Variants in EYA4 observed in about 807,000 individuals in gnomAD.
The protein encoded by EYA4 is EYA transcriptional coactivator and phosphatase 4, also known as protein phosphatase EYA4.
A neutral mutation model predicts 87.9 loss-of-function variants in EYA4; 31 were observed. That is an observed-to-expected ratio of 0.35 (90% confidence interval 0.27 to 0.48). The LOEUF is 0.48. Among genes scored for constraint, EYA4 ranks in the 20% least tolerant of loss-of-function variants. The pLI is 0.99. For missense variants in EYA4, 678 were observed against 761.4 expected, an observed-to-expected ratio of 0.89 and a Z score of 1.29; for synonymous variants, 263 against 270.6, an observed-to-expected ratio of 0.97 and a Z score of 0.28.
chr6:133,429,290 G>T (rs184333519), intron 3 of EYA4, among the ~76,000 whole-genome samples: 300 of 152,092 alleles, frequency 2.0e-3, no homozygotes, highest in Non-Finnish European at 3.6e-3. Flanking sequence ...TAAAAATTAA[G>T]ATTCTGTTAG....
intron 3 of EYA4, among the ~76,000 whole-genome samples, chr6:133,433,091 T>C (rs998201288): frequency 6.6e-6 from 1 of 152,240 alleles, no homozygotes; most frequent in African/African-American, 2.4e-5. Flanking sequence ...AAAAAAATCA[T>C]TCTCTTCAAT....
chr6:133,358,875 G>A (rs1341823261), intron 2 of EYA4, among the ~76,000 whole-genome samples: 1 of 152,034 alleles, frequency 6.6e-6, no homozygotes, highest in East Asian at 1.9e-4. Context: ...AAACAGAGGG[G>A]AAAAACTACT....
chr6:133,304,390 T>C (rs1486258767), intron 2 of EYA4, among the ~76,000 whole-genome samples: 4 of 152,142 alleles, frequency 2.6e-5, no homozygotes, highest in African/African-American at 9.7e-5. Flanking sequence ...GTCTTTTCTG[T>C]CTCTTGCATT....
intron 3 of EYA4, among the ~76,000 whole-genome samples, chr6:133,394,285 T>TTTTTTTTTTGG (rs1787581521): frequency 4.7e-4 from 7 of 14,806 alleles, no homozygotes; most frequent in African/African-American, 9.4e-4. Context: ...TAAGCTTGTG[T>TTTTTTTTTTGG]TTTTTTTTTT....
intron 2 of EYA4, among the ~76,000 whole-genome samples, chr6:133,382,113 A>G (rs1786276540): frequency 1.3e-5 from 2 of 152,154 alleles, no homozygotes; most frequent in Non-Finnish European, 2.9e-5. Context: ...CTAAGTGGGA[A>G]ACCTGGTTCT....
chr6:133,257,225 G>A (rs1775410468), intron 1 of EYA4, among the ~76,000 whole-genome samples: 1 of 152,080 alleles, frequency 6.6e-6, no homozygotes. Context: ...TAAGAGTAGA[G>A]TGCATTAGAA....
At chr6:133,411,481 G>C (rs1789226095) in intron 3 of EYA4, among the ~76,000 whole-genome samples, 1 of 152,188 alleles carries the variant, frequency 6.6e-6, no homozygotes, top group African/African-American at 2.4e-5. Flanking sequence ...TAAAAACACA[G>C]TCACTCTACC....
chr6:133,383,066 T>C (rs1786372380), intron 3 of EYA4, among the ~76,000 whole-genome samples: 1 of 152,196 alleles, frequency 6.6e-6, no homozygotes, highest in Non-Finnish European at 1.5e-5. Flanking sequence ...GGCTGCAATT[T>C]TGAATGGATA....
chr6:133,398,249 A>G (rs1787969709), intron 3 of EYA4, among the ~76,000 whole-genome samples: 1 of 152,214 alleles, frequency 6.6e-6, no homozygotes. Context: ...AACCATGTGA[A>G]TTGAGTCCAT....
intron 3 of EYA4, among the ~76,000 whole-genome samples, chr6:133,403,370 A>G (rs142006925): frequency 6.6e-6 from 1 of 152,322 alleles, no homozygotes; most frequent in East Asian, 1.9e-4. Context: ...TATTTTTCAC[A>G]GGCTTTATTT....
intron 17 of EYA4, among the ~76,000 whole-genome samples, chr6:133,518,386 C>T (rs1799788422): frequency 6.6e-6 from 1 of 152,052 alleles, no homozygotes; most frequent in Non-Finnish European, 1.5e-5. Flanking sequence ...ATGGAATTTG[C>T]TGAGTTATCC....
intron 3 of EYA4, among the ~76,000 whole-genome samples, chr6:133,415,563 T>C (rs1245767540): frequency 6.6e-6 from 1 of 152,208 alleles, no homozygotes; most frequent in African/African-American, 2.4e-5. Flanking sequence ...ATGAGACACA[T>C]GTGCCAATTA....
intron 2 of EYA4, among the ~76,000 whole-genome samples, chr6:133,282,053 A>G (rs1010770536): frequency 2.0e-5 from 3 of 151,936 alleles, no homozygotes; most frequent in Non-Finnish European, 2.9e-5. Flanking sequence ...TGTCTTTGCT[A>G]TTGTGAATAA....
At chr6:133,352,703 C>A (rs1374212317) in intron 2 of EYA4, among the ~76,000 whole-genome samples, 1 of 151,994 alleles carries the variant, frequency 6.6e-6, no homozygotes, top group Non-Finnish European at 1.5e-5. Context: ...ATGGACATAT[C>A]CAGCTGACTT....
At chr6:133,256,811 C>T (rs1262144455) in intron 1 of EYA4, among the ~76,000 whole-genome samples, 1 of 151,916 alleles carries the variant, frequency 6.6e-6, no homozygotes, top group African/African-American at 2.4e-5. Flanking sequence ...AATTCTGTCT[C>T]CAGAATATTC....
intron 2 of EYA4, among the ~76,000 whole-genome samples, chr6:133,326,335 C>T (rs932193687): frequency 6.6e-6 from 1 of 152,138 alleles, no homozygotes; most frequent in Non-Finnish European, 1.5e-5. Flanking sequence ...AAATCTGAAA[C>T]TCTTTGAGCA....
At chr6:133,294,311 A>T (rs1268580095) in intron 2 of EYA4, among the ~76,000 whole-genome samples, 1 of 150,558 alleles carries the variant, frequency 6.6e-6, no homozygotes, top group Non-Finnish European at 1.5e-5. Context: ...AAATATAAAG[A>T]AAAAGGATAT....
intron 14 of EYA4, chr6:133,511,555 G>A (rs901162589): frequency 6.6e-6 from 1 of 151,926 alleles, no homozygotes; most frequent in East Asian, 1.9e-4. Flanking sequence ...TTTAGATCTT[G>A]TAATATTGCG....
intron 2 of EYA4, among the ~76,000 whole-genome samples, chr6:133,367,431 T>G (rs1302006008): frequency 6.6e-6 from 1 of 152,366 alleles, no homozygotes; most frequent in South Asian, 2.1e-4. Flanking sequence ...GTGGCAAGAC[T>G]TCTACCAAAC....
Sources: gnomAD v4.1 joint callset for allele counts (sites outside exome capture counted in the v4.1 genomes callset) on GRCh38, gnomAD v4.1.1 for gene constraint, MANE v1.5 for transcripts, NCBI Gene and HGNC (gene_info 2026-07-23, HGNC 2026-07-21) for gene names.